NRXN1: variants seen among roughly 807,000 people sequenced by gnomAD.
NRXN1 encodes neurexin 1.
NRXN1 carries 39 observed loss-of-function variants against 150.9 expected under a neutral mutation model. The ratio of observed to expected loss-of-function variants is 0.26; its 90% confidence interval spans 0.20 to 0.34. The LOEUF (loss-of-function observed/expected upper bound fraction) is 0.34. NRXN1 is among the 10% of genes least tolerant of loss of function. NRXN1 has a pLI of 1.00. For missense variants in NRXN1, 1,815 were observed against 1,949.9 expected (o/e 0.93, Z 1.30); for synonymous variants, 924 against 757.0 (o/e 1.22, Z -3.62).
At position 50,007,941 on chromosome 2, in the gene NRXN1, C is replaced by A. The variant is rs113222790; in HGVS notation, c.4128+45330G>T. On this transcript the variant is annotated intron_variant, in intron 21 of 22. Coordinates refer to ENST00000401669, the MANE Select transcript of NRXN1 (RefSeq NM_001330078.2). ...GTAAGTGTTATTCTAACTCCCAATGCTGTCTACCTAATGTGAAAGTTCACC... is the reference window on the plus strand; with the variant it reads ...GTAAGTGTTATTCTAACTCCCAATGATGTCTACCTAATGTGAAAGTTCACC... 8.4e-3 allele frequency among the ~76,000 whole-genome samples: 1,281 copies of A among 152,204 alleles called. 7 individuals carry two copies. The highest frequency in any genetic ancestry group is 0.014 in the Middle Eastern group (4 of 294).
chr2:50,162,379 G>T (rs1018648769), intron 18 of NRXN1, among the ~76,000 whole-genome samples: 5 of 152,058 alleles, frequency 3.3e-5, no homozygotes, highest in South Asian at 2.1e-4. Context: ...GTAAAACTCT[G>T]CCTATAAACA....
chr2:50,764,481 C>A (rs1367281819), intron 5 of NRXN1, among the ~76,000 whole-genome samples: 1 of 152,010 alleles, frequency 6.6e-6, no homozygotes, highest in Non-Finnish European at 1.5e-5. Flanking sequence ...ATGAGTAACA[C>A]ATATTGAATA....
chr2:49,973,797 T>C, intron 21 of NRXN1: 7 of 576,638 alleles, frequency 1.2e-5, no homozygotes, highest in Non-Finnish European at 2.1e-5. Context: ...GTGCATAAAT[T>C]TGACATGCAA....
chr2:49,936,022 T>C (rs1670965850), intron 22 of NRXN1, among the ~76,000 whole-genome samples: 1 of 152,298 alleles, frequency 6.6e-6, no homozygotes, highest in East Asian at 1.9e-4. Context: ...TAAAAAATTG[T>C]GATGTGAAAC....
At chr2:50,019,661 A>AAAAAAAAG (rs1687209204) in intron 21 of NRXN1, among the ~76,000 whole-genome samples, 1 of 107,512 alleles carries the variant, frequency 9.3e-6, no homozygotes, top group Non-Finnish European at 1.9e-5. Context: ...AAAAAAAAAA[A>AAAAAAAAG]GGAGGCTGGG....
At chr2:50,653,795 G>A (rs934239221) in intron 5 of NRXN1, among the ~76,000 whole-genome samples, 2 of 151,706 alleles carry the variant, frequency 1.3e-5, no homozygotes, top group Admixed American at 6.6e-5. Context: ...ACTGTCTTAC[G>A]GACAGTGTAG....
intron 5 of NRXN1, chr2:50,829,306 T>C: frequency 1.6e-6 from 1 of 632,154 alleles, no homozygotes; most frequent in Non-Finnish European, 2.8e-6. Flanking sequence ...AATTTTGTAT[T>C]TTTAGTAGAG....
In NRXN1 at chr2:50,714,226, T is replaced by C. The variant is rs573872873; in HGVS notation, c.833-90611A>G. ...CTTTATATGGCCACACAGGAGTCCC[T>C]TGGCTATACAATTTGCACTTTAATC... On this transcript the variant is annotated intron_variant, in intron 5 of 22. Transcript: ENST00000401669. Among the ~76,000 whole-genome samples, 5 of 152,260 alleles carry C rather than the reference T, an allele frequency of 3.3e-5. No homozygotes were observed. The East Asian group carries it at 9.7e-4, about 29-fold the overall frequency.
intron 22 of NRXN1, among the ~76,000 whole-genome samples, chr2:49,936,236 T>C (rs889230339): frequency 1.3e-5 from 2 of 152,208 alleles, no homozygotes; most frequent in Non-Finnish European, 2.9e-5. Context: ...TGGCCAATCA[T>C]ATGTTAGTTA....
chr2:50,958,799 T>C (rs768580943), intron 2 of NRXN1, among the ~76,000 whole-genome samples: 2 of 152,106 alleles, frequency 1.3e-5, no homozygotes, highest in African/African-American at 2.4e-5. Flanking sequence ...CAGTCAGCAA[T>C]CATTCAGCAG....
chr2:50,426,187 G>C (rs904587586), intron 17 of NRXN1, among the ~76,000 whole-genome samples: 1 of 152,152 alleles, frequency 6.6e-6, no homozygotes, highest in Non-Finnish European at 1.5e-5. Context: ...TCTTAGTAGA[G>C]AAGCTTAAAA....
intron 18 of NRXN1, among the ~76,000 whole-genome samples, chr2:50,212,273 A>G (rs1480081451): frequency 3.3e-5 from 5 of 149,300 alleles, no homozygotes; most frequent in Non-Finnish European, 6.0e-5. Flanking sequence ...GTTTCATGGT[A>G]GTGAAAAAAA....
intron 2 of NRXN1, among the ~76,000 whole-genome samples, chr2:50,934,502 T>A (rs1037627218): frequency 6.6e-6 from 1 of 152,130 alleles, no homozygotes; most frequent in Non-Finnish European, 1.5e-5. Flanking sequence ...TAAGTAAAAT[T>A]AAAATTTCAG....
intron 17 of NRXN1, among the ~76,000 whole-genome samples, chr2:50,296,378 C>G (rs527912493): frequency 6.6e-6 from 1 of 152,158 alleles, no homozygotes; most frequent in South Asian, 2.1e-4. Context: ...TTTTAAAATA[C>G]AGATCATGGG....
At chr2:50,376,428 C>T (rs1006357350) in intron 17 of NRXN1, among the ~76,000 whole-genome samples, 10 of 151,588 alleles carry the variant, frequency 6.6e-5, no homozygotes, top group South Asian at 6.2e-4. Context: ...CCTTAAACTC[C>T]GCAATGTATT....
At chr2:50,209,544 C>T (rs950732468) in intron 18 of NRXN1, among the ~76,000 whole-genome samples, 1 of 152,036 alleles carries the variant, frequency 6.6e-6, no homozygotes, top group Admixed American at 6.6e-5. Flanking sequence ...TCAAGTTTAT[C>T]AGTTCAAAAT....
At chr2:50,344,038 C>T (rs1250044911) in intron 17 of NRXN1, among the ~76,000 whole-genome samples, 1 of 152,172 alleles carries the variant, frequency 6.6e-6, no homozygotes, top group Non-Finnish European at 1.5e-5. Context: ...CTTTCACCCT[C>T]ATCTATTAGG....
chr2:50,273,544 T>G (rs953989735), intron 17 of NRXN1, among the ~76,000 whole-genome samples: 1 of 152,154 alleles, frequency 6.6e-6, no homozygotes, highest in Admixed American at 6.5e-5. Context: ...AATCTCATTT[T>G]TACAGTCCCT....
At chr2:50,413,822 C>A (rs1572881764) in intron 17 of NRXN1, among the ~76,000 whole-genome samples, 1 of 152,172 alleles carries the variant, frequency 6.6e-6, no homozygotes, top group Non-Finnish European at 1.5e-5. Context: ...AAATGTGTTA[C>A]ATATACATAA....
Sources: gnomAD v4.1 joint callset for allele counts (sites outside exome capture counted in the v4.1 genomes callset) on GRCh38, gnomAD v4.1.1 for gene constraint, MANE v1.5 for transcripts, NCBI Gene and HGNC (gene_info 2026-07-23, HGNC 2026-07-21) for gene names.